Variants in ZBTB16 observed in about 807,000 individuals in gnomAD.
ZBTB16 encodes zinc finger and BTB domain-containing protein 16.
ZBTB16 carries 8 observed loss-of-function variants against 56.8 expected under a neutral mutation model. That is an observed-to-expected ratio of 0.14 (90% confidence interval 0.08 to 0.25). ZBTB16 has a LOEUF of 0.25. Among genes scored for constraint, ZBTB16 ranks in the 10% least tolerant of loss-of-function variants. The pLI is 1.00. For synonymous variants in ZBTB16, 363 were observed against 368.5 expected (o/e 0.98, Z 0.17); for missense variants, 625 against 903.0 (o/e 0.69, Z 3.95).
chr11:114,081,300 C>G (rs1348430446), intron 2 of ZBTB16, among the ~76,000 whole-genome samples: 1 of 152,154 alleles, frequency 6.6e-6, no homozygotes, highest in East Asian at 1.9e-4. Flanking sequence ...TACATCAACT[C>G]CTTAGGATTT....
intron 4 of ZBTB16, among the ~76,000 whole-genome samples, chr11:114,230,607 TG>T (rs1847370363): frequency 1.8e-5 from 2 of 112,408 alleles, no homozygotes; most frequent in Admixed American, 2.1e-4. Flanking sequence ...ATTTAAATGC[TG>T]CTTAATTTGT....
chr11:114,235,647 T>C (rs922157982), intron 4 of ZBTB16, among the ~76,000 whole-genome samples: 2 of 22,078 alleles, frequency 9.1e-5, no homozygotes, highest in Non-Finnish European at 2.5e-4. Context: ...TCTTTCTTTC[T>C]TTCTTTCTTT....
chr11:114,155,856 C>T (rs1324433072), intron 2 of ZBTB16, among the ~76,000 whole-genome samples: 1 of 152,100 alleles, frequency 6.6e-6, no homozygotes, highest in Non-Finnish European at 1.5e-5. Context: ...TTGTGTCAGT[C>T]ACTGTAGTGG....
intron 4 of ZBTB16, among the ~76,000 whole-genome samples, chr11:114,230,324 G>T (rs1944412917): frequency 6.6e-6 from 1 of 152,132 alleles, no homozygotes; most frequent in Non-Finnish European, 1.5e-5. Context: ...TTCTGCCGTT[G>T]CTAAGACCAA....
chr11:114,199,925 A>G (rs912616095), intron 4 of ZBTB16, among the ~76,000 whole-genome samples: 10 of 152,086 alleles, frequency 6.6e-5, no homozygotes, highest in Non-Finnish European at 1.2e-4. Context: ...TCAGGAGATC[A>G]AGACCATCCT....
intron 3 of ZBTB16, among the ~76,000 whole-genome samples, chr11:114,167,477 T>C (rs1942817561): frequency 6.7e-6 from 1 of 149,704 alleles, no homozygotes; most frequent in South Asian, 2.1e-4. Context: ...TATTTTAGCA[T>C]CAGTAGGATT....
intron 4 of ZBTB16, among the ~76,000 whole-genome samples, chr11:114,194,397 CCCCT>C (rs1943562505): frequency 6.6e-6 from 1 of 152,170 alleles, no homozygotes; most frequent in East Asian, 1.9e-4. Context: ...GTGTGTGTGA[CCCCT>C]CCTTGCCCCC....
intron 2 of ZBTB16, among the ~76,000 whole-genome samples, chr11:114,121,277 A>G (rs1017614960): frequency 2.6e-5 from 4 of 152,130 alleles, no homozygotes; most frequent in African/African-American, 9.7e-5. Context: ...CTGAAGGCGG[A>G]GTTGAGAAAA....
At chr11:114,137,975 G>A (rs1362173231) in intron 2 of ZBTB16, among the ~76,000 whole-genome samples, 1 of 152,226 alleles carries the variant, frequency 6.6e-6, no homozygotes, top group Non-Finnish European at 1.5e-5. Flanking sequence ...TGTGCTGGCA[G>A]CTTCTTAGGA....
At chr11:114,136,960 C>A (rs1298502564) in intron 2 of ZBTB16, among the ~76,000 whole-genome samples, 1 of 152,050 alleles carries the variant, frequency 6.6e-6, no homozygotes, top group East Asian at 1.9e-4. Flanking sequence ...CACAATGATC[C>A]CAGGTTCTAT....
intron 3 of ZBTB16, among the ~76,000 whole-genome samples, chr11:114,169,402 C>T (rs1424776019): frequency 2.6e-5 from 4 of 152,074 alleles, no homozygotes; most frequent in Admixed American, 2.0e-4. Context: ...TCCCCAGGCA[C>T]GCGCTGGGGA....
chr11:114,213,163 C>T (rs1944029392), intron 4 of ZBTB16, among the ~76,000 whole-genome samples: 1 of 152,030 alleles, frequency 6.6e-6, no homozygotes. Flanking sequence ...GAAACATTGT[C>T]CCTCTTAACT....
chr11:114,084,720 G>C (rs1939899490), intron 2 of ZBTB16, among the ~76,000 whole-genome samples: 1 of 152,184 alleles, frequency 6.6e-6, no homozygotes, highest in Non-Finnish European at 1.5e-5. Flanking sequence ...GGGGCCTCAA[G>C]TTAGAAATCC....
rs757439548 is a variant in ZBTB16, at chr11:114,125,560, C to CT, written c.1269-30765dup. On this transcript the variant is annotated intron_variant, in intron 2 of 6. Transcript: ENST00000335953. ...TTCATTTTTGTCTTTCCTTGTAGGA[C>CT]TTTTTTTTTTTTCATCGAGCCTGCA... 7.0e-3 allele frequency among the ~76,000 whole-genome samples: 1,015 copies of CT among 145,718 alleles called. 3 individuals are homozygous for CT. The highest frequency in any genetic ancestry group is 0.022 in the African/African-American group (896 of 40,004).
intron 2 of ZBTB16, among the ~76,000 whole-genome samples, chr11:114,087,702 A>G (rs1319074663): frequency 1.8e-4 from 28 of 151,862 alleles, no homozygotes; most frequent in Non-Finnish European, 1.2e-4. Flanking sequence ...CCTGCTCTGA[A>G]CCCTGCAGTG....
At chr11:114,212,512 T>C (rs1192148442) in intron 4 of ZBTB16, among the ~76,000 whole-genome samples, 1 of 152,134 alleles carries the variant, frequency 6.6e-6, no homozygotes, top group Non-Finnish European at 1.5e-5. Flanking sequence ...CTGCTCCAAT[T>C]TTCTCCTGTT....
intron 2 of ZBTB16, among the ~76,000 whole-genome samples, chr11:114,085,972 G>A (rs1939944278): frequency 6.6e-6 from 1 of 152,156 alleles, no homozygotes; most frequent in African/African-American, 2.4e-5. Context: ...AGAATGCAGA[G>A]CCCCTCTGAT....
chr11:114,187,364 A>C, intron 4 of ZBTB16: 1 of 362,492 alleles, frequency 2.8e-6, no homozygotes, highest in Non-Finnish European at 5.2e-6. Context: ...TTGTTATCAA[A>C]ACATCTTCTT....
chr11:114,089,168 C>T (rs1227189098), intron 2 of ZBTB16, among the ~76,000 whole-genome samples: 2 of 152,116 alleles, frequency 1.3e-5, no homozygotes, highest in Admixed American at 1.3e-4. Context: ...CTGCGGGGAG[C>T]GTTGCTGGTT....
Sources: allele counts gnomAD v4.1 joint callset (sites outside exome capture counted in the v4.1 genomes callset), GRCh38; gene constraint gnomAD v4.1.1; transcripts MANE v1.5; gene names NCBI Gene and HGNC (gene_info 2026-07-23, HGNC 2026-07-21).